The following MARCHF1 variants were observed in gnomAD, a reference collection of about 807,000 sequenced individuals.
MARCHF1 encodes the protein E3 ubiquitin-protein ligase MARCHF1.
In MARCHF1, 40 loss-of-function variants were observed where a neutral mutation model predicts 54.2. The observed-to-expected ratio is 0.74, with a 90% CI of 0.57 to 0.96. The LOEUF (loss-of-function observed/expected upper bound fraction) is 0.96, where lower values mean the gene tolerates loss of function less well. Ranked by LOEUF, MARCHF1 falls within the 40% of genes least tolerant of loss-of-function variation. The pLI, the probability that MARCHF1 is intolerant of heterozygous loss-of-function variation, is 0.00. For synonymous variants in MARCHF1, 236 were observed against 236.3 expected (o/e 1.00, Z 0.01); for missense variants, 586 against 656.5 (o/e 0.89, Z 1.17).
chr4:163,997,077 T>G (rs1282347619), intron 2 of MARCHF1, among the ~76,000 whole-genome samples: 2 of 151,990 alleles, frequency 1.3e-5, no homozygotes, highest in Non-Finnish European at 2.9e-5. Flanking sequence ...AACACTCAGA[T>G]GATAGCAATG....
intron 1 of MARCHF1, among the ~76,000 whole-genome samples, chr4:164,218,756 G>A (rs904622396): frequency 1.5e-4 from 23 of 150,188 alleles, no homozygotes; most frequent in African/African-American, 4.2e-4. Context: ...GTTAAATGAC[G>A]AGTTAATGGG....
chr4:164,259,244 A>T (rs1358962583), intron 1 of MARCHF1, among the ~76,000 whole-genome samples: 1 of 152,104 alleles, frequency 6.6e-6, no homozygotes, highest in Non-Finnish European at 1.5e-5. Context: ...ATTAATTCAG[A>T]AGTATAGCCA....
At chr4:163,683,648 C>T (rs1744177684) in intron 5 of MARCHF1, among the ~76,000 whole-genome samples, 1 of 152,156 alleles carries the variant, frequency 6.6e-6, no homozygotes, top group East Asian at 1.9e-4. Context: ...CTTAAATAGT[C>T]CTTAACAAAA....
In MARCHF1 at chr4:163,996,902, C is replaced by T. The variant is rs544371073; in HGVS notation, c.-247-8193G>A. On this transcript the variant is annotated intron_variant, in intron 2 of 9. Coordinates refer to ENST00000514618, the MANE Select transcript of MARCHF1 (RefSeq NM_001394959.1). ...CCTAGTGCTTTCAGAGTGAGCATGGCTATATCAACACTTTGATCTGGACTT... is the reference window on the plus strand; with the variant it reads ...CCTAGTGCTTTCAGAGTGAGCATGGTTATATCAACACTTTGATCTGGACTT... 4.5e-4 allele frequency among the ~76,000 whole-genome samples: 68 copies of T among 152,150 alleles called. 1 individual carries two copies. In the South Asian group the frequency reaches 7.5e-3, roughly 17 times the overall value.
rs376549948 is a variant in MARCHF1, at chr4:163,972,190, G to T, written c.-39+16311C>A. On this transcript the variant is annotated intron_variant, in intron 3 of 9. Coordinates refer to ENST00000514618, the MANE Select transcript of MARCHF1 (RefSeq NM_001394959.1). The stretch of plus-strand genomic sequence containing the variant: ...AGGGAGGGGAACATCACATACTGGA[G>T]CCTATCAGGGGGTGGGGAGCTAGGG... Among the ~76,000 whole-genome samples, 5 of 152,156 alleles carry T rather than the reference G, an allele frequency of 3.3e-5. No individual in the cohort carries two copies. In the South Asian group the frequency reaches 6.2e-4, roughly 19 times the overall value.
At chr4:164,376,230 A>G (rs764861213) in intron 1 of MARCHF1, among the ~76,000 whole-genome samples, 99 of 152,216 alleles carry the variant, frequency 6.5e-4, no homozygotes, top group Non-Finnish European at 1.8e-4. Flanking sequence ...AGATGACCTC[A>G]CAGTTACTAG....
At chr4:164,089,144 G>A (rs1755249805) in intron 2 of MARCHF1, among the ~76,000 whole-genome samples, 1 of 152,036 alleles carries the variant, frequency 6.6e-6, no homozygotes, top group African/African-American at 2.4e-5. Flanking sequence ...AAGGCAAATA[G>A]CATTCATTAA....
At position 163,529,031 on chromosome 4, in the gene MARCHF1, G is replaced by A. The variant is rs1738249446; in HGVS notation, c.1355C>T (p.Pro452Leu). 1.2e-6 allele frequency: 2 copies of A among 1,606,090 alleles called. No homozygotes were observed. The highest frequency in any genetic ancestry group is 1.7e-6 in the Non-Finnish European group (2 of 1,174,486). ...QGNDNGVLEW[P>L]FWTKLVVVAI... ...TACCACAACCAGTTTTGTCCAAAAT[G>A]GCCATTCAAGGACACCTTTGAAATG... is the stretch of plus-strand genomic sequence containing the variant. The change falls in exon 10 of 10, where the codon CCA becomes CTA. Residue 452 changes from proline to leucine, a missense_variant. By Grantham distance (98) the Pro-to-Leu change is moderately conservative. This residue lies in a region of MARCHF1 where 93 missense variants were observed against 168.2 expected (regional missense o/e 0.55). Transcript: ENST00000514618.
chr4:164,372,078 A>T (rs1731052273), intron 1 of MARCHF1, among the ~76,000 whole-genome samples: 1 of 152,246 alleles, frequency 6.6e-6, no homozygotes, highest in African/African-American at 2.4e-5. Flanking sequence ...CTTTCTCAAG[A>T]AAAATAAATT....
At chr4:164,097,452 T>C (rs779354412) in intron 2 of MARCHF1, among the ~76,000 whole-genome samples, 8 of 152,196 alleles carry the variant, frequency 5.3e-5, no homozygotes, top group Non-Finnish European at 1.0e-4. Flanking sequence ...ATTATAGATA[T>C]CATAAACTAT....
At chr4:164,010,393 G>A (rs578125866) in intron 2 of MARCHF1, among the ~76,000 whole-genome samples, 33 of 151,728 alleles carry the variant, frequency 2.2e-4, no homozygotes, top group Non-Finnish European at 3.7e-4. Flanking sequence ...CACTGTGCCC[G>A]GCCAAAAACT....
chr4:164,151,136 TG>T (rs1157049260), intron 1 of MARCHF1, among the ~76,000 whole-genome samples: 2 of 135,402 alleles, frequency 1.5e-5, no homozygotes, highest in Non-Finnish European at 3.0e-5. Flanking sequence ...AGATCCACTT[TG>T]GGCTCCAGAA....
chr4:163,856,185 T>C (rs78885655), intron 3 of MARCHF1, among the ~76,000 whole-genome samples: 3 of 152,284 alleles, frequency 2.0e-5, no homozygotes, highest in Admixed American at 1.3e-4. Context: ...TATAAACTTT[T>C]GGCTACACCT....
chr4:163,574,036 T>C (rs1348542126), intron 8 of MARCHF1, among the ~76,000 whole-genome samples: 2 of 152,148 alleles, frequency 1.3e-5, no homozygotes, highest in Non-Finnish European at 2.9e-5. Context: ...CTCATTGTGG[T>C]TTTGATTTGC....
chr4:164,320,021 A>T (rs2110756492), intron 1 of MARCHF1, among the ~76,000 whole-genome samples: 1 of 152,300 alleles, frequency 6.6e-6, no homozygotes, highest in Middle Eastern at 3.4e-3. Context: ...ACACAATTTT[A>T]TGCTTTATGC....
At chr4:163,531,019 C>A (rs7690735) in intron 9 of MARCHF1, among the ~76,000 whole-genome samples, 2,478 of 151,866 alleles carry the variant, frequency 0.016, 64 homozygotes, top group African/African-American at 0.056. Context: ...CAGAAAGCAC[C>A]AAGCTCAAAT....
chr4:164,162,463 C>G (rs911955426), intron 1 of MARCHF1, among the ~76,000 whole-genome samples: 2 of 152,046 alleles, frequency 1.3e-5, no homozygotes, highest in East Asian at 1.9e-4. Flanking sequence ...TGACAGGAGC[C>G]GTGACCTTCA....
intron 3 of MARCHF1, among the ~76,000 whole-genome samples, chr4:163,919,540 G>T (rs1332857245): frequency 6.6e-6 from 1 of 151,656 alleles, no homozygotes; most frequent in Non-Finnish European, 1.5e-5. Flanking sequence ...ATTTCCCCTT[G>T]TTTGTGAAAT....
chr4:164,187,989 T>C (rs1731016613), intron 1 of MARCHF1, among the ~76,000 whole-genome samples: 2 of 152,150 alleles, frequency 1.3e-5, no homozygotes, highest in Non-Finnish European at 2.9e-5. Flanking sequence ...AATACTCAGA[T>C]TGAACATGGG....
Sources: gnomAD v4.1 joint callset for allele counts (sites outside exome capture counted in the v4.1 genomes callset) on GRCh38, gnomAD v4.1.1 for gene constraint, gnomAD v4.1.1 regional missense constraint, MANE v1.5 for transcripts, NCBI Gene and HGNC (gene_info 2026-07-23, HGNC 2026-07-21) for gene names.